Variants in CA10 observed in about 807,000 individuals in gnomAD.
The protein encoded by CA10 is carbonic anhydrase-related protein 10.
Under a neutral mutation model 44.2 loss-of-function variants are expected in CA10, and 14 were observed. That is an observed-to-expected ratio of 0.32 (90% CI 0.21 to 0.50). The LOEUF is 0.50. CA10 is among the 20% of genes least tolerant of loss of function. The pLI is 0.99. For missense variants in CA10, 350 were observed against 409.7 expected (o/e 0.85, Z 1.26); for synonymous variants, 159 against 141.6 (o/e 1.12, Z -0.87).
At chr17:52,001,008 A>G (rs1985404737) in intron 2 of CA10, among the ~76,000 whole-genome samples, 1 of 151,954 alleles carries the variant, frequency 6.6e-6, no homozygotes, top group Admixed American at 6.6e-5. Context: ...CCAAGCTAAG[A>G]TAAGTAAGCT....
chr17:51,934,393 A>G (rs1251770782), intron 2 of CA10, among the ~76,000 whole-genome samples: 1 of 152,078 alleles, frequency 6.6e-6, no homozygotes, highest in East Asian at 1.9e-4. Context: ...CAGGCTCTAT[A>G]CATGAGCAGA....
chr17:52,101,392 A>G (rs898558095), intron 1 of CA10, among the ~76,000 whole-genome samples: 1 of 152,248 alleles, frequency 6.6e-6, no homozygotes, highest in African/African-American at 2.4e-5. Flanking sequence ...TCATGTCAGC[A>G]GCAGAATTCA....
At chr17:52,071,412 A>G (rs770587640) in intron 2 of CA10, among the ~76,000 whole-genome samples, 2 of 152,164 alleles carry the variant, frequency 1.3e-5, no homozygotes, top group Non-Finnish European at 2.9e-5. Flanking sequence ...TGACTTGCTT[A>G]GCTCTGCACA....
chr17:51,850,219 G>C (rs754970113), intron 3 of CA10, among the ~76,000 whole-genome samples: 5 of 152,198 alleles, frequency 3.3e-5, no homozygotes, highest in Non-Finnish European at 5.9e-5. Flanking sequence ...ATGAAAATAT[G>C]CAGCATGGCA....
chr17:51,815,540 C>T (rs1376709323), intron 3 of CA10, among the ~76,000 whole-genome samples: 4 of 152,112 alleles, frequency 2.6e-5, no homozygotes, highest in African/African-American at 7.2e-5. Flanking sequence ...TCACTTAGTG[C>T]CTGGCAGTGA....
chr17:51,844,216 G>A (rs1181935479), intron 3 of CA10, among the ~76,000 whole-genome samples: 1 of 152,078 alleles, frequency 6.6e-6, no homozygotes, highest in Non-Finnish European at 1.5e-5. Flanking sequence ...AGAAGAGAAT[G>A]CCATGAATCC....
chr17:52,051,672 G>C (rs565345358), intron 2 of CA10, among the ~76,000 whole-genome samples: 18 of 151,626 alleles, frequency 1.2e-4, no homozygotes, highest in African/African-American at 4.1e-4. Context: ...GCCTATACAT[G>C]GTTGATGGGA....
intron 4 of CA10, among the ~76,000 whole-genome samples, chr17:51,724,060 G>A (rs1916439373): frequency 6.6e-6 from 1 of 152,122 alleles, no homozygotes; most frequent in African/African-American, 2.4e-5. Flanking sequence ...GGGACTGGAA[G>A]TTTGGAATTT....
chr17:51,709,062 T>C (rs546287518), intron 4 of CA10, among the ~76,000 whole-genome samples: 2 of 152,362 alleles, frequency 1.3e-5, no homozygotes, highest in Admixed American at 1.3e-4. Context: ...CCTATCCTAT[T>C]AGTTCTGTCC....
intron 1 of CA10, among the ~76,000 whole-genome samples, chr17:52,103,832 G>C (rs540303690): frequency 6.6e-6 from 1 of 152,322 alleles, no homozygotes; most frequent in African/African-American, 2.4e-5. Flanking sequence ...CACTTGGGTG[G>C]TTAGGTGGAT....
At chr17:51,991,256 G>A (rs771391747) in intron 2 of CA10, among the ~76,000 whole-genome samples, 4 of 152,056 alleles carry the variant, frequency 2.6e-5, no homozygotes, top group Non-Finnish European at 5.9e-5. Context: ...CAGGAATTTT[G>A]AGGCCTCAAC....
At position 51,795,138 on chromosome 17, in the gene CA10, C is replaced by T. The variant is rs548488590; in HGVS notation, c.280-47320G>A. On this transcript the variant is annotated intron_variant, in intron 3 of 8. Coordinates refer to ENST00000451037, the MANE Select transcript of CA10 (RefSeq NM_020178.5). Reference sequence around the variant, plus strand: ...GAGGATAAAATGTGTGTAAAGTACCCGGCCCAGAGTCTGACATACAGCCCC... The same window carrying T: ...GAGGATAAAATGTGTGTAAAGTACCTGGCCCAGAGTCTGACATACAGCCCC... Among the ~76,000 whole-genome samples the T allele has an allele frequency of 5.3e-5, 8 of 152,240 alleles. No homozygotes were observed. In the East Asian group the frequency reaches 1.4e-3, roughly 26 times the overall value.
At chr17:51,831,684 G>GCAT (rs1567854527) in intron 3 of CA10, among the ~76,000 whole-genome samples, 27 of 57,444 alleles carry the variant, frequency 4.7e-4, no homozygotes, top group African/African-American at 2.0e-3. Flanking sequence ...AGCAGCAGCA[G>GCAT]CAGCAGCAGC....
intron 2 of CA10, among the ~76,000 whole-genome samples, chr17:51,987,882 G>A (rs1984900086): frequency 6.6e-6 from 1 of 151,998 alleles, no homozygotes; most frequent in Admixed American, 6.6e-5. Flanking sequence ...TTCATCAGAA[G>A]AAGGTAAATA....
chr17:52,110,745 C>T (rs74608640), intron 1 of CA10, among the ~76,000 whole-genome samples: 1 of 152,146 alleles, frequency 6.6e-6, no homozygotes, highest in African/African-American at 2.4e-5. Flanking sequence ...TATCCTCCCC[C>T]CATTCAAACC....
At chr17:51,899,397 G>A (rs1420668261) in intron 3 of CA10, among the ~76,000 whole-genome samples, 1 of 152,020 alleles carries the variant, frequency 6.6e-6, no homozygotes, top group East Asian at 1.9e-4. Flanking sequence ...ATTCTTATTT[G>A]ATTGCACTGG....
intron 1 of CA10, among the ~76,000 whole-genome samples, chr17:52,108,615 G>A (rs1024235002): frequency 4.1e-5 from 6 of 148,110 alleles, no homozygotes; most frequent in Non-Finnish European, 5.9e-5. Flanking sequence ...CAGGAGAATC[G>A]CTTGAACCTG....
At chr17:51,704,967 AAAAAAAAAAAAAG>A (rs1002905720) in intron 4 of CA10, among the ~76,000 whole-genome samples, 22 of 146,820 alleles carry the variant, frequency 1.5e-4, no homozygotes, top group Non-Finnish European at 3.0e-4. Flanking sequence ...ACTCTGTCTA[AAAAAAAAAAAAAG>A]AAAAAGAAAA....
rs1555566967 is a variant in CA10 at position 52,108,192 on chromosome 17, T to TATATATA, written c.62-35800_62-35799insTATATAT. On this transcript the variant is annotated intron_variant, in intron 1 of 8. Coordinates refer to ENST00000451037, the MANE Select transcript of CA10 (RefSeq NM_020178.5). ...TTTAATATATTTTTATATATATATTTTTTATATATATATATATATATATAT... is the reference window on the plus strand; with the variant it reads ...TTTAATATATTTTTATATATATATTTATATATATTTATATATATATATATATATATAT... Among the ~76,000 whole-genome samples the TATATATA allele has an allele frequency of 2.7e-5, 3 of 113,136 alleles. No individual in the cohort carries two copies. In the East Asian group the frequency reaches 6.8e-4, roughly 26 times the overall value. The allele number at this position is 113,136 out of a possible 152,430, so 74.2% of individuals were successfully genotyped here.
Sources: gnomAD v4.1 joint callset for allele counts (sites outside exome capture counted in the v4.1 genomes callset) on GRCh38, gnomAD v4.1.1 for gene constraint, MANE v1.5 for transcripts, NCBI Gene and HGNC (gene_info 2026-07-23, HGNC 2026-07-21) for gene names.